TMEM245: variants seen among roughly 807,000 people sequenced by gnomAD.
The protein encoded by TMEM245 is transmembrane protein 245, also known as protein CG-2.
A neutral mutation model predicts 101.2 loss-of-function variants in TMEM245; 69 were observed. The observed-to-expected ratio is 0.68, with a 90% CI of 0.56 to 0.83. TMEM245 has a LOEUF of 0.83. Ranked by LOEUF, TMEM245 falls within the 40% of genes least tolerant of loss-of-function variation. The pLI, the probability that TMEM245 is intolerant of heterozygous loss-of-function variation, is 0.00. For synonymous variants in TMEM245, 537 were observed against 449.8 expected (o/e 1.19, Z -2.45); for missense variants, 1,075 against 1,092.8 (o/e 0.98, Z 0.23).
intron 1 of TMEM245, among the ~76,000 whole-genome samples, chr9:109,114,333 C>G (rs1003497606): frequency 6.6e-6 from 1 of 152,170 alleles, no homozygotes; most frequent in Non-Finnish European, 1.5e-5. Flanking sequence ...AGAAACAAAC[C>G]TAGAAATGTG....
chr9:109,032,181 A>T (rs1008072661), intron 17 of TMEM245, among the ~76,000 whole-genome samples: 2 of 152,026 alleles, frequency 1.3e-5, no homozygotes, highest in African/African-American at 4.8e-5. Flanking sequence ...ACTGGTTATC[A>T]TTGTATCATT....
chr9:109,090,840 C>A, intron 5 of TMEM245, 82 bp downstream of exon 5: 2 of 1,291,254 alleles, frequency 1.5e-6, no homozygotes, highest in Non-Finnish European at 2.1e-6. Context: ...AAATGTATCT[C>A]AAATATTAAA....
chr9:109,037,992 G>C, intron 15 of TMEM245, 25 bp downstream of exon 15: 2 of 1,519,066 alleles, frequency 1.3e-6, no homozygotes, highest in Non-Finnish European at 1.8e-6. Context: ...ATAGCGAATA[G>C]TGGAAGGTAC....
chr9:109,100,313 T>TGA (rs1564206659), intron 3 of TMEM245, among the ~76,000 whole-genome samples: 4 of 152,140 alleles, frequency 2.6e-5, no homozygotes, highest in Non-Finnish European at 5.9e-5. Flanking sequence ...CCTATGTTTA[T>TGA]TTATTTATTA....
At chr9:109,113,000 C>T (rs578257757) in intron 1 of TMEM245, among the ~76,000 whole-genome samples, 30 of 152,060 alleles carry the variant, frequency 2.0e-4, no homozygotes, top group Non-Finnish European at 3.5e-4. Context: ...TGCTTGAACC[C>T]GGGAGGCAGA....
chr9:109,058,194 C>T (rs566919308), intron 11 of TMEM245, among the ~76,000 whole-genome samples: 2 of 151,372 alleles, frequency 1.3e-5, no homozygotes, highest in East Asian at 2.0e-4. Flanking sequence ...TTAGTAGAGA[C>T]GGGGTTTCAC....
At chr9:109,063,417 A>G (rs985295407) in intron 10 of TMEM245, among the ~76,000 whole-genome samples, 2 of 152,218 alleles carry the variant, frequency 1.3e-5, no homozygotes, top group Non-Finnish European at 2.9e-5. Flanking sequence ...CACCACGGCC[A>G]GCCTGATTCC....
chr9:109,037,888 A>C, intron 15 of TMEM245, 129 bp downstream of exon 15: 1 of 618,930 alleles, frequency 1.6e-6, no homozygotes. Flanking sequence ...CCTAATGTGG[A>C]CTAGATTCGA....
rs7776 is a variant in TMEM245, at chr9:109,020,251, T to G, written c.*209A>C. On this transcript the variant is annotated 3_prime_UTR_variant, in exon 18 of 18. Coordinates refer to ENST00000374586, the MANE Select transcript of TMEM245 (RefSeq NM_032012.4). ...ACAGTTAAGTGAGCAAACCACCAAC[T>G]CTGAACTCTCAAGCTGTGTTTTAAA... is the stretch of plus-strand genomic sequence containing the variant. 154,007 of 621,874 alleles carry G rather than the reference T, an allele frequency of 0.25. 19,767 individuals carry two copies. Among genetic ancestry groups the G allele is most frequent in the Middle Eastern group, 0.32 (726 of 2,274 alleles). 38.5% of individuals were successfully genotyped at this position (621,874 alleles called of 1,614,324 possible).
At chr9:109,083,922 A>AAAAAAAAAAAAAAAAAAAAAAAAAAAT (rs1564197327) in intron 7 of TMEM245, among the ~76,000 whole-genome samples, 1 of 142,548 alleles carries the variant, frequency 7.0e-6, no homozygotes, top group Non-Finnish European at 1.5e-5. Context: ...AAAAAAAAAA[A>AAAAAAAAAAAAAAAAAAAAAAAAAAAT]AAAAAAACAC....
At chr9:109,109,083 T>G (rs898945089) in intron 1 of TMEM245, among the ~76,000 whole-genome samples, 2 of 152,182 alleles carry the variant, frequency 1.3e-5, no homozygotes, top group Non-Finnish European at 2.9e-5. Context: ...AGCTGAAGTG[T>G]GACCCTGCTG....
chr9:109,102,830 G>A (rs917707328), intron 3 of TMEM245, among the ~76,000 whole-genome samples: 1 of 152,204 alleles, frequency 6.6e-6, no homozygotes, highest in African/African-American at 2.4e-5. Context: ...ATCGCCATCA[G>A]AAAGAAGCAA....
intron 1 of TMEM245, among the ~76,000 whole-genome samples, chr9:109,117,117 GTTT>G (rs916425478): frequency 6.7e-6 from 1 of 150,254 alleles, no homozygotes; most frequent in Admixed American, 6.6e-5. Flanking sequence ...GGTTTTTTTG[GTTT>G]TTTTTTGAGA....
intron 6 of TMEM245, 92 bp downstream of exon 6, chr9:109,087,081 C>G: frequency 9.0e-7 from 1 of 1,111,270 alleles, no homozygotes; most frequent in Admixed American, 2.8e-5. Context: ...GTGTTATCAA[C>G]AGTTACAATA....
At chr9:109,083,146 A>AG (rs1185635850) in intron 7 of TMEM245, among the ~76,000 whole-genome samples, 1 of 152,134 alleles carries the variant, frequency 6.6e-6, no homozygotes, top group Non-Finnish European at 1.5e-5. Flanking sequence ...GTTGATACAT[A>AG]AAACTAAGGA....
chr9:109,094,613 C>T (rs1588070623), intron 3 of TMEM245, among the ~76,000 whole-genome samples: 2 of 152,222 alleles, frequency 1.3e-5, no homozygotes, highest in South Asian at 4.1e-4. Flanking sequence ...GAGCATTTCT[C>T]CTGATTGCAC....
At position 109,102,155 on chromosome 9, in the gene TMEM245, G is replaced by A. The variant is rs563010346; in HGVS notation, c.799+4353C>T. Among the ~76,000 whole-genome samples the A allele has an allele frequency of 1.9e-3, 296 of 152,162 alleles. 3 individuals carry two copies. Among genetic ancestry groups the A allele is most frequent in the African/African-American group, 6.5e-3 (271 of 41,504 alleles). ...GCTTTCTACAGCAGTTGCCAAAACA[G>A]GAAATTTACTTCCACTAGTCAGATA... On this transcript the variant is annotated intron_variant, in intron 3 of 17. Transcript: ENST00000374586.
intron 8 of TMEM245, among the ~76,000 whole-genome samples, chr9:109,074,629 C>T (rs1421534534): frequency 1.3e-5 from 2 of 151,658 alleles, no homozygotes; most frequent in East Asian, 3.9e-4. Context: ...CATAGTATGC[C>T]AGGAATTGAG....
chr9:109,098,255 C>T (rs938489967), intron 3 of TMEM245, among the ~76,000 whole-genome samples: 1 of 152,188 alleles, frequency 6.6e-6, no homozygotes, highest in African/African-American at 2.4e-5. Flanking sequence ...AACTCTCCAA[C>T]TTGCTAATGG....
Sources: gnomAD v4.1 joint callset for allele counts (sites outside exome capture counted in the v4.1 genomes callset) on GRCh38, gnomAD v4.1.1 for gene constraint, MANE v1.5 for transcripts, NCBI Gene and HGNC (gene_info 2026-07-23, HGNC 2026-07-21) for gene names.